Variants in ALK observed in about 807,000 individuals in gnomAD.
The protein encoded by ALK is ALK tyrosine kinase receptor.
In ALK, 74 loss-of-function variants were observed where a neutral mutation model predicts 163.1. The observed-to-expected ratio is 0.45, with a 90% CI of 0.38 to 0.55. ALK has a LOEUF of 0.55. Among genes scored for constraint, ALK ranks in the 20% least tolerant of loss-of-function variants. The pLI is 0.00. For missense variants in ALK, 2,063 were observed against 2,105.3 expected, an observed-to-expected ratio of 0.98 and a Z score of 0.39; for synonymous variants, 960 against 843.2, an observed-to-expected ratio of 1.14 and a Z score of -2.40.
intron 3 of ALK, among the ~76,000 whole-genome samples, chr2:29,667,844 G>A (rs372102396): frequency 9.0e-4 from 137 of 152,098 alleles, no homozygotes; most frequent in African/African-American, 3.2e-3. Context: ...TTTTTTTGAA[G>A]AGTTTGAGCA....
At chr2:29,562,816 A>G (rs567525184) in intron 3 of ALK, among the ~76,000 whole-genome samples, 1 of 152,324 alleles carries the variant, frequency 6.6e-6, no homozygotes, top group Non-Finnish European at 1.5e-5. Context: ...TGCTCCAGTG[A>G]CCAAAGTTTG....
At chr2:29,334,269 G>T (rs576234806) in intron 5 of ALK, among the ~76,000 whole-genome samples, 1 of 152,162 alleles carries the variant, frequency 6.6e-6, no homozygotes, top group African/African-American at 2.4e-5. Context: ...TGACTTGAAG[G>T]GGGAGGTGTC....
chr2:29,201,169 T>C (rs1669169620), intron 26 of ALK, among the ~76,000 whole-genome samples: 1 of 151,946 alleles, frequency 6.6e-6, no homozygotes, highest in Non-Finnish European at 1.5e-5. Flanking sequence ...GAGCCAAAAA[T>C]TAATATCTTT....
At chr2:29,733,640 C>A (rs1679809098) in intron 1 of ALK, among the ~76,000 whole-genome samples, 2 of 152,128 alleles carry the variant, frequency 1.3e-5, no homozygotes, top group African/African-American at 4.8e-5. Context: ...AGTGTTCAGT[C>A]AATGTGATTT....
At chr2:29,558,429 C>T (rs1673924168) in intron 3 of ALK, among the ~76,000 whole-genome samples, 1 of 152,128 alleles carries the variant, frequency 6.6e-6, no homozygotes, top group Non-Finnish European at 1.5e-5. Context: ...ATCTTTACAG[C>T]TCCCTGCTTT....
intron 4 of ALK, among the ~76,000 whole-genome samples, chr2:29,524,614 C>T (rs140502843): frequency 6.6e-6 from 1 of 152,322 alleles, no homozygotes; most frequent in East Asian, 1.9e-4. Context: ...ACTGAACATG[C>T]ACTGTACAGA....
chr2:29,374,057 C>T (rs1046167605), intron 5 of ALK, among the ~76,000 whole-genome samples: 4 of 152,120 alleles, frequency 2.6e-5, no homozygotes, highest in Non-Finnish European at 4.4e-5. Flanking sequence ...TCAGGCAAGG[C>T]GCAGATGGAA....
At chr2:29,276,282 A>G (rs952501186) in intron 9 of ALK, among the ~76,000 whole-genome samples, 6 of 152,098 alleles carry the variant, frequency 3.9e-5, no homozygotes, top group Non-Finnish European at 8.8e-5. Context: ...TTAACAACAA[A>G]CCCATTAAGA....
chr2:29,777,369 G>C (rs1161661125), intron 1 of ALK, among the ~76,000 whole-genome samples: 1 of 152,130 alleles, frequency 6.6e-6, no homozygotes, highest in Non-Finnish European at 1.5e-5. Flanking sequence ...TCACCTGACA[G>C]TGAGTCACTG....
At chr2:29,758,109 C>T (rs1396796377) in intron 1 of ALK, among the ~76,000 whole-genome samples, 1 of 149,228 alleles carries the variant, frequency 6.7e-6, no homozygotes, top group Non-Finnish European at 1.5e-5. Context: ...CTCTTGGGCT[C>T]AAGTGATTCT....
intron 1 of ALK, among the ~76,000 whole-genome samples, chr2:29,773,170 T>A (rs571065321): frequency 6.6e-6 from 1 of 152,184 alleles, no homozygotes; most frequent in South Asian, 2.1e-4. Context: ...CAAAAAAGAA[T>A]ATTTTATTAT....
intron 1 of ALK, among the ~76,000 whole-genome samples, chr2:29,819,056 T>A (rs1178337041): frequency 6.6e-6 from 1 of 152,130 alleles, no homozygotes; most frequent in African/African-American, 2.4e-5. Context: ...GGAGGAGACA[T>A]CTTGTTGCTG....
At chr2:29,334,680 G>A (rs1387137755) in intron 5 of ALK, among the ~76,000 whole-genome samples, 2 of 152,168 alleles carry the variant, frequency 1.3e-5, no homozygotes, top group Non-Finnish European at 2.9e-5. Context: ...GCCCAGAGGT[G>A]CCTACGTTTT....
At chr2:29,462,910 A>G (rs1011670200) in intron 4 of ALK, among the ~76,000 whole-genome samples, 1 of 152,220 alleles carries the variant, frequency 6.6e-6, no homozygotes, top group Non-Finnish European at 1.5e-5. Context: ...GATCCAATTA[A>G]TTATAAATAT....
intron 8 of ALK, among the ~76,000 whole-genome samples, chr2:29,302,153 C>G (rs1666389948): frequency 1.3e-5 from 2 of 152,210 alleles, no homozygotes; most frequent in African/African-American, 4.8e-5. Context: ...TGACATCACA[C>G]AGTAAAGACT....
intron 5 of ALK, among the ~76,000 whole-genome samples, chr2:29,357,413 C>T (rs1668277848): frequency 6.6e-6 from 1 of 152,232 alleles, no homozygotes; most frequent in Non-Finnish European, 1.5e-5. Context: ...ATCTGTGACT[C>T]TTCCAGGGAG....
At chr2:29,328,273 T>C (rs1030805875) in intron 6 of ALK, 77 bp downstream of exon 6, 1 of 1,606,542 alleles carries the variant, frequency 6.2e-7, no homozygotes, top group Non-Finnish European at 8.5e-7. Flanking sequence ...CATGCTCTCA[T>C]GCCTGGGATA....
chr2:29,429,631 T>G (rs1670226762), intron 4 of ALK, among the ~76,000 whole-genome samples: 1 of 152,106 alleles, frequency 6.6e-6, no homozygotes. Flanking sequence ...GAAGACTTAA[T>G]ATTGTTAGGA....
chr2:29,385,512 C>T lies in ALK; in HGVS notation c.1155-1653G>A, dbSNP rs1669012285. The stretch of plus-strand genomic sequence containing the variant: ...TTAGGTGATCCTCCTACCTCAGCCT[C>T]CTGAGTAGCTGGGACTACAGCTGTG... On this transcript the variant is annotated intron_variant, in intron 4 of 28. Transcript: ENST00000389048. 2.0e-5 allele frequency among the ~76,000 whole-genome samples: 3 copies of T among 152,018 alleles called. No homozygotes were observed. In the South Asian group the frequency reaches 6.2e-4, roughly 32 times the overall value.
Sources: allele counts gnomAD v4.1 joint callset (sites outside exome capture counted in the v4.1 genomes callset), GRCh38; gene constraint gnomAD v4.1.1; transcripts MANE v1.5; gene names NCBI Gene and HGNC (gene_info 2026-07-23, HGNC 2026-07-21).